The following OCRL variants were observed in gnomAD, a reference collection of about 807,000 sequenced individuals.
OCRL encodes the protein inositol polyphosphate 5-phosphatase OCRL.
Under a neutral mutation model 78.9 loss-of-function variants are expected in OCRL, and 8 were observed. The ratio of observed to expected loss-of-function variants is 0.10; its 90% confidence interval spans 0.06 to 0.18. The LOEUF is 0.18. Among genes scored for constraint, OCRL ranks in the 10% least tolerant of loss-of-function variants. The pLI, the probability that OCRL is intolerant of heterozygous loss-of-function variation, is 1.00. For synonymous variants in OCRL, 240 were observed against 235.4 expected, an observed-to-expected ratio of 1.02 and a Z score of -0.18; for missense variants, 454 against 696.7, an observed-to-expected ratio of 0.65 and a Z score of 3.92.
In OCRL at chrX:129,588,762, G is replaced by T. The variant is rs745348004; in HGVS notation, c.2342-124G>T. On this transcript the variant is annotated intron_variant, in intron 21 of 23. Coordinates refer to ENST00000371113, the MANE Select transcript of OCRL (RefSeq NM_000276.4). ...TCAATAAAATATCAAACCCCCATTA[G>T]GATCAATGTGCCCTGAATAAGAGGA... 89 of 818,046 alleles carry T rather than the reference G, an allele frequency of 1.1e-4. No individual in the cohort carries two copies. The South Asian group carries it at 1.9e-3, about 17-fold the overall frequency. The allele number at this position is 818,046 out of a possible 1,213,427, so 67.4% of individuals were successfully genotyped here.
intron 21 of OCRL, 70 bp from the exon 22 acceptor site, chrX:129,588,816 A>C (rs775000136): frequency 8.5e-7 from 1 of 1,172,820 alleles, no homozygotes; most frequent in African/African-American, 1.8e-5. Flanking sequence ...GAGCTTGAGG[A>C]AAGGAGCTCG....
chrX:129,540,838 G>C lies in OCRL; in HGVS notation c.119+15G>C, dbSNP rs1178555521. 2.6e-6 allele frequency: 3 copies of C among 1,173,848 alleles called. No homozygotes were observed. Among genetic ancestry groups the C allele is most frequent in the Middle Eastern group, 2.3e-4 (1 of 4,267 alleles). On this transcript the variant is annotated intron_variant, in intron 2 of 23. Transcript: ENST00000371113. ...GGGCAATATGAGTAAGTAACCACCT[G>C]ATTCCCACAGAGGAGGGGAGCCTGC... is the stretch of plus-strand genomic sequence containing the variant.
At position 129,591,927 on chromosome X, in the gene OCRL, AAG is replaced by A. The variant is rs1442234058; in HGVS notation, c.*1660_*1661del. ...CGCAAGGCCAGAAAGTGATCACAAA[AAG>A]AGGCAGATGATAGACACTGGGGTAG... On this transcript the variant is annotated 3_prime_UTR_variant, in exon 24 of 24. Transcript: ENST00000371113. The A allele has an allele frequency of 8.8e-6, 1 of 113,207 alleles. No individual in the cohort carries two copies. Among genetic ancestry groups the A allele is most frequent in the Non-Finnish European group, 1.9e-5 (1 of 53,165 alleles). The allele number at this position is 113,207 out of a possible 1,213,427, so 9.3% of individuals were successfully genotyped here.
chrX:129,540,515 A>T, intron 1 of OCRL, 37 bp downstream of exon 1: 1 of 393,431 alleles, frequency 2.5e-6, no homozygotes, highest in Non-Finnish European at 3.7e-6. Context: ...GAGGCCGCGC[A>T]GGGCCGGGGG....
intron 15 of OCRL, among the ~76,000 whole-genome samples, chrX:129,574,543 G>T (rs1299452663): frequency 1.8e-5 from 2 of 112,022 alleles, no homozygotes; most frequent in Non-Finnish European, 3.8e-5. Context: ...TCTGAGCAGT[G>T]ATATTATACT....
At position 129,561,236 on chromosome X, in the gene OCRL, A is replaced by G; in HGVS notation, c.882A>G (p.Glu294=). ...TCTTCTACTTTGAATCTGTGAAGGAACAAGAATGGTCCATGGCTGTAGAGA... is the reference window on the plus strand; with the variant it reads ...TCTTCTACTTTGAATCTGTGAAGGAGCAAGAATGGTCCATGGCTGTAGAGA... The part of the protein sequence containing the change: ...EAFFYFESVK[E]QEWSMAVERG... The change falls in exon 10 of 24, where the codon GAA becomes GAG. Residue 294 remains glutamate, a synonymous_variant. Transcript: ENST00000371113. 2.5e-6 allele frequency: 3 copies of G among 1,209,525 alleles called. No homozygotes were observed. Among genetic ancestry groups the G allele is most frequent in the East Asian group, 5.9e-5 (2 of 33,800 alleles).
Position 129,575,075 on chromosome X carries a change from G to A in OCRL, c.1603-65G>A, listed in dbSNP as rs769338842. 38 of 786,332 alleles carry A rather than the reference G, an allele frequency of 4.8e-5. No homozygotes were observed. The East Asian group carries it at 1.2e-3, about 25-fold the overall frequency. The allele number at this position is 786,332 out of a possible 1,213,427, so 64.8% of individuals were successfully genotyped here. On this transcript the variant is annotated intron_variant, in intron 15 of 23. Coordinates refer to ENST00000371113, the MANE Select transcript of OCRL (RefSeq NM_000276.4). ...TGTAATGACCAGTTTTAAATTGTTA[G>A]ATAATCTCCAAGGGAGATGAGCTAG... is the stretch of plus-strand genomic sequence containing the variant.
chrX:129,565,208 G>C (rs896524860), intron 12 of OCRL, among the ~76,000 whole-genome samples: 1 of 111,887 alleles, frequency 8.9e-6, no homozygotes, highest in Non-Finnish European at 1.9e-5. Context: ...AGGGCCTGTT[G>C]CTGTTATTGG....
chrX:129,577,193 A>G (rs920698901), intron 18 of OCRL, among the ~76,000 whole-genome samples: 3 of 111,736 alleles, frequency 2.7e-5, no homozygotes, highest in African/African-American at 9.8e-5. Context: ...TATGGAGCCT[A>G]CAGATCTGCA....
chrX:129,564,816 A>C (rs1936195081), intron 12 of OCRL, among the ~76,000 whole-genome samples: 1 of 110,896 alleles, frequency 9.0e-6, no homozygotes, highest in Non-Finnish European at 1.9e-5. Context: ...GCACATGTAT[A>C]CATATGTAAC....
At chrX:129,585,179 TAGAC>T (rs748240251) in intron 19 of OCRL, among the ~76,000 whole-genome samples, 37 of 112,732 alleles carry the variant, frequency 3.3e-4, no homozygotes, top group African/African-American at 1.2e-3. Context: ...GATCTTTCTC[TAGAC>T]TTTGGAGACA....
At chrX:129,583,490 A>G (rs1018097295) in intron 18 of OCRL, among the ~76,000 whole-genome samples, 1 of 111,840 alleles carries the variant, frequency 8.9e-6, no homozygotes, top group Non-Finnish European at 1.9e-5. Context: ...AAGCTTTCAG[A>G]GCCTCAGTTT....
chrX:129,556,695 C>T (rs1936055938), intron 4 of OCRL, among the ~76,000 whole-genome samples: 1 of 112,237 alleles, frequency 8.9e-6, no homozygotes, highest in Non-Finnish European at 1.9e-5. Flanking sequence ...ATTGGCTGTA[C>T]TTGAACCAAA....
At chrX:129,573,042 C>A (rs1936322969) in intron 15 of OCRL, among the ~76,000 whole-genome samples, 1 of 111,621 alleles carries the variant, frequency 9.0e-6, no homozygotes, top group South Asian at 3.8e-4. Context: ...TTAAAAGTTG[C>A]AAAGTTTTGT....
rs1262322290 is a variant in OCRL at position 129,547,511 on chromosome X, C to T, written c.200-1052C>T. Among the ~76,000 whole-genome samples, 7 of 74,660 alleles carry T rather than the reference C, an allele frequency of 9.4e-5. No individual in the cohort carries two copies. In the Admixed American group the frequency reaches 1.4e-3, roughly 14 times the overall value. The allele number at this position is 74,660 out of a possible 115,157, so 64.8% of individuals were successfully genotyped here. Reference sequence around the variant, plus strand: ...CTGCACTCCAGCCTGGGTGACAGAGCAAGACTCCGTCTCAAAAAAAAAAAA... The same window carrying T: ...CTGCACTCCAGCCTGGGTGACAGAGTAAGACTCCGTCTCAAAAAAAAAAAA... On this transcript the variant is annotated intron_variant, in intron 3 of 23. Transcript: ENST00000371113.
chrX:129,564,969 T>A, intron 12 of OCRL, among the ~76,000 whole-genome samples: 1 of 111,522 alleles, frequency 9.0e-6, no homozygotes, highest in Non-Finnish European at 1.9e-5. Context: ...TCTCAATAAT[T>A]AGGATCATGT....
At chrX:129,586,724 A>G (rs1265815623) in intron 19 of OCRL, 1 of 439,062 alleles carries the variant, frequency 2.3e-6, no homozygotes, top group Non-Finnish European at 4.3e-6. Context: ...GTCACCTTTG[A>G]AAGGATTTAA....
intron 15 of OCRL, among the ~76,000 whole-genome samples, chrX:129,573,640 C>T (rs957738044): frequency 2.7e-5 from 3 of 111,614 alleles, no homozygotes; most frequent in East Asian, 2.8e-4. Context: ...CTTCAACCTC[C>T]GCCTCCCGGG....
At chrX:129,578,564 T>A (rs1332837233) in intron 18 of OCRL, among the ~76,000 whole-genome samples, 1 of 110,629 alleles carries the variant, frequency 9.0e-6, no homozygotes, top group Non-Finnish European at 1.9e-5. Context: ...TCTTTGCCAT[T>A]AATATGAAAA....
Sources: allele counts gnomAD v4.1 joint callset (sites outside exome capture counted in the v4.1 genomes callset), GRCh38; gene constraint gnomAD v4.1.1; transcripts MANE v1.5; gene names NCBI Gene and HGNC (gene_info 2026-07-23, HGNC 2026-07-21).